The following ZFHX4 variants were observed in gnomAD, a reference collection of about 807,000 sequenced individuals.
ZFHX4 encodes the protein zinc finger homeobox protein 4.
In ZFHX4, 56 loss-of-function variants were observed where a neutral mutation model predicts 267.6. That is an observed-to-expected ratio of 0.21 (90% CI 0.17 to 0.26). The LOEUF (loss-of-function observed/expected upper bound fraction) is 0.26. ZFHX4 is among the 10% of genes least tolerant of loss of function. The pLI is 1.00. For synonymous variants in ZFHX4, 1,778 were observed against 1,665.6 expected, an observed-to-expected ratio of 1.07 and a Z score of -1.64; for missense variants, 4,332 against 4,420.0, an observed-to-expected ratio of 0.98 and a Z score of 0.56.
chr8:76,827,428 A>G lies in ZFHX4; in HGVS notation c.3326-5910A>G, dbSNP rs573059117. On this transcript the variant is annotated intron_variant, in intron 4 of 10. Transcript: ENST00000651372. ...AGCCGCAGGGTTAGGGACCCCTGCT[A>G]TAAGGACTTAAATCTAGATAATTGG... Among the ~76,000 whole-genome samples, 7 of 152,314 alleles carry G rather than the reference A, an allele frequency of 4.6e-5. No homozygotes were observed. The South Asian group carries it at 8.3e-4, about 18-fold the overall frequency.
chr8:76,702,830 A>G (rs1377802966), intron 1 of ZFHX4, among the ~76,000 whole-genome samples: 1 of 152,154 alleles, frequency 6.6e-6, no homozygotes, highest in African/African-American at 2.4e-5. Context: ...CAGGCCGAAA[A>G]TAAACACAAG....
intron 1 of ZFHX4, among the ~76,000 whole-genome samples, chr8:76,692,119 G>T (rs1416579530): frequency 6.6e-6 from 1 of 151,978 alleles, no homozygotes; most frequent in Non-Finnish European, 1.5e-5. Context: ...GGGCTTCTGG[G>T]TATTTAATGC....
intron 4 of ZFHX4, among the ~76,000 whole-genome samples, chr8:76,797,591 AT>A (rs1396374178): frequency 2.0e-5 from 3 of 152,208 alleles, no homozygotes; most frequent in African/African-American, 7.2e-5. Flanking sequence ...TTTAAACAAT[AT>A]TTAGTCAGCC....
intron 4 of ZFHX4, among the ~76,000 whole-genome samples, chr8:76,822,855 A>G (rs1811689800): frequency 6.6e-6 from 1 of 152,126 alleles, no homozygotes; most frequent in African/African-American, 2.4e-5. Context: ...ATATATTCTA[A>G]GAAGTGTCAT....
chr8:76,752,679 A>G (rs985150695), intron 3 of ZFHX4, among the ~76,000 whole-genome samples: 14 of 151,896 alleles, frequency 9.2e-5, no homozygotes, highest in African/African-American at 3.4e-4. Flanking sequence ...TCAAAAAACA[A>G]AACAAAACAA....
At chr8:76,829,618 G>A (rs1471679063) in intron 4 of ZFHX4, among the ~76,000 whole-genome samples, 1 of 152,028 alleles carries the variant, frequency 6.6e-6, no homozygotes, top group East Asian at 1.9e-4. Context: ...AGACCAGTTT[G>A]GTCAACATGA....
intron 4 of ZFHX4, among the ~76,000 whole-genome samples, chr8:76,802,702 G>A (rs1422054480): frequency 6.6e-6 from 1 of 152,116 alleles, no homozygotes; most frequent in Non-Finnish European, 1.5e-5. Flanking sequence ...GTTACCGAGT[G>A]CATCATTGTG....
At chr8:76,744,295 G>C (rs547907053) in intron 3 of ZFHX4, among the ~76,000 whole-genome samples, 1 of 152,058 alleles carries the variant, frequency 6.6e-6, no homozygotes, top group East Asian at 1.9e-4. Context: ...GCGGGGAGTC[G>C]AGATCATGCC....
At chr8:76,837,195 T>C (rs1157925519) in intron 5 of ZFHX4, among the ~76,000 whole-genome samples, 3 of 152,066 alleles carry the variant, frequency 2.0e-5, no homozygotes, top group Non-Finnish European at 4.4e-5. Context: ...CACTCAAGTA[T>C]TTAGTTGTTT....
rs1812614705 is a variant in ZFHX4 at position 76,853,710 on chromosome 8, C to T, written c.6789C>T (p.Leu2263=). The change falls in exon 10 of 11, where the codon CTC becomes CTT. Residue 2263 remains leucine, a synonymous_variant. Coordinates refer to ENST00000651372, the MANE Select transcript of ZFHX4 (RefSeq NM_024721.5). ...AAATAGAACAACTCTCCACTGTTCTCAATCTGCCTACCCGGGTTATTGTTG... is the reference window on the plus strand; with the variant it reads ...AAATAGAACAACTCTCCACTGTTCTTAATCTGCCTACCCGGGTTATTGTTG... The part of the protein sequence containing the change: ...DDEIEQLSTV[L]NLPTRVIVVW... 6.2e-7 allele frequency: 1 copy of T among 1,613,726 alleles called. No individual in the cohort carries two copies. The highest frequency in any genetic ancestry group is 1.6e-4 in the Middle Eastern group (1 of 6,062).
At chr8:76,777,429 T>A (rs1374103103) in intron 3 of ZFHX4, among the ~76,000 whole-genome samples, 1 of 152,174 alleles carries the variant, frequency 6.6e-6, no homozygotes, top group Non-Finnish European at 1.5e-5. Context: ...AAGCTTCACA[T>A]CATAGTGTCT....
At chr8:76,771,185 A>C (rs541960683) in intron 3 of ZFHX4, among the ~76,000 whole-genome samples, 2 of 152,130 alleles carry the variant, frequency 1.3e-5, no homozygotes, top group East Asian at 3.9e-4. Context: ...TCTCCACCAC[A>C]TCTGCTTTCC....
At chr8:76,795,753 T>C (rs1437073539) in intron 4 of ZFHX4, among the ~76,000 whole-genome samples, 2 of 152,058 alleles carry the variant, frequency 1.3e-5, no homozygotes, top group African/African-American at 4.8e-5. Context: ...TTGAGACTGG[T>C]CTCGATCTCC....
intron 3 of ZFHX4, among the ~76,000 whole-genome samples, chr8:76,745,509 C>T (rs1243722576): frequency 6.6e-6 from 1 of 151,578 alleles, no homozygotes; most frequent in East Asian, 1.9e-4. Flanking sequence ...TTTTCAAGAA[C>T]CTAAAGTAAA....
chr8:76,741,518 T>A (rs1363752034), intron 3 of ZFHX4, among the ~76,000 whole-genome samples: 3 of 152,212 alleles, frequency 2.0e-5, no homozygotes, highest in Non-Finnish European at 4.4e-5. Context: ...TAAAATCTCA[T>A]GAACTAAGAC....
chr8:76,755,961 A>G (rs146900101), intron 3 of ZFHX4, among the ~76,000 whole-genome samples: 72 of 152,240 alleles, frequency 4.7e-4, no homozygotes, highest in African/African-American at 1.7e-3. Flanking sequence ...GCCATTCTCT[A>G]ATGTTATTTC....
At chr8:76,796,162 G>A (rs986495456) in intron 4 of ZFHX4, among the ~76,000 whole-genome samples, 2 of 151,986 alleles carry the variant, frequency 1.3e-5, no homozygotes, top group Non-Finnish European at 2.9e-5. Flanking sequence ...TGACTTGAAT[G>A]GACAGTTTAT....
chr8:76,816,546 G>T (rs925939827), intron 4 of ZFHX4, among the ~76,000 whole-genome samples: 2 of 151,764 alleles, frequency 1.3e-5, no homozygotes, highest in African/African-American at 4.8e-5. Flanking sequence ...GCCACCTAGG[G>T]AGCTGTGACT....
At chr8:76,811,198 C>T (rs1341500750) in intron 4 of ZFHX4, among the ~76,000 whole-genome samples, 1 of 152,144 alleles carries the variant, frequency 6.6e-6, no homozygotes, top group Admixed American at 6.5e-5. Flanking sequence ...AGCCAGAGCC[C>T]CACATGACAG....
Sources: allele counts gnomAD v4.1 joint callset (sites outside exome capture counted in the v4.1 genomes callset), GRCh38; gene constraint gnomAD v4.1.1; transcripts MANE v1.5; gene names NCBI Gene and HGNC (gene_info 2026-07-23, HGNC 2026-07-21).